Variants in ANO7 observed in about 807,000 individuals in gnomAD.
ANO7 encodes anoctamin-7.
A neutral mutation model predicts 115.8 loss-of-function variants in ANO7; 114 were observed. The observed-to-expected ratio is 0.98, with a 90% CI of 0.85 to 1.15. The LOEUF (loss-of-function observed/expected upper bound fraction) is 1.15. Among genes scored for constraint, ANO7 ranks in the 50% most tolerant of loss-of-function variants. The probability of loss-of-function intolerance (pLI) is 0.00; values close to 1 mark genes in which losing one functional copy is unlikely to be tolerated. For missense variants in ANO7, 1,302 were observed against 1,201.2 expected (o/e 1.08, Z -1.24); for synonymous variants, 550 against 498.2 (o/e 1.10, Z -1.38).
rs752320852 is a variant in ANO7, at chr2:241,188,770, G to T, written c.-8+4G>T. 6.2e-7 allele frequency: 1 copy of T among 1,612,748 alleles called. No homozygotes were observed. The highest frequency in any genetic ancestry group is 1.1e-5 in the South Asian group (1 of 91,010). ...CTTCCGGAAGCCACTGTGCCAGGTG[G>T]GGACCCAGCCTAGACGTGTGGGCCA... On this transcript the variant is annotated splice_donor_region_variant and intron_variant, in intron 1 of 24. Coordinates refer to ENST00000674324, the MANE Select transcript of ANO7 (RefSeq NM_001370694.2). This position sits in a 1 kb window ranked among gnomAD's most constrained non-coding sequence, Gnocchi z 4.3.
downstream of ANO7, among the ~76,000 whole-genome samples, chr2:241,226,450 A>C (rs930893134): frequency 1.3e-5 from 2 of 148,630 alleles, no homozygotes; most frequent in African/African-American, 5.0e-5. Flanking sequence ...TTTGAGATGG[A>C]GTCTCGCTCT....
chr2:241,207,660 C>A lies in ANO7; in HGVS notation c.1067C>A (p.Ala356Asp), dbSNP rs1316292140. ...TTCTGGCTGCTCTCCAGCGCCTGTG[C>A]CCTGGCCCAGGTACGAGAAGAGGTG... is the stretch of plus-strand genomic sequence containing the variant. ...CPFWLLSSAC[A>D]LAQAGRLFDH... Residue 356 changes from alanine (A) to aspartate (D), a missense_variant, in exon 11 of 25, where the codon GCC becomes GAC. Transcript: ENST00000674324. 6.2e-7 allele frequency: 1 copy of A among 1,613,674 alleles called. No individual in the cohort carries two copies. The highest frequency in any genetic ancestry group is 1.1e-5 in the South Asian group (1 of 91,082).
rs746559955 is a variant in ANO7 at position 241,224,582 on chromosome 2, G to A, written c.*429G>A. 1.4e-4 allele frequency: 27 copies of A among 198,466 alleles called. No homozygotes were observed. Among genetic ancestry groups the A allele is most frequent in the African/African-American group, 5.2e-4 (22 of 42,652 alleles). The allele number at this position is 198,466 out of a possible 1,614,324, so 12.3% of individuals were successfully genotyped here. On this transcript the variant is annotated 3_prime_UTR_variant, in exon 25 of 25. Transcript: ENST00000674324. ...TCAGAGCGCAGGGCCGTTCTCCCTC[G>A]TGTCCTCTGGACCCACCCGCCCCTT...
At chr2:241,239,514 C>CA in the ANO7 span, 1 of 1,087,302 alleles carries the variant, frequency 9.2e-7, no homozygotes. This position sits in a 1 kb window ranked among gnomAD's most constrained non-coding sequence, Gnocchi z 4.6. Context: ...GAGTCACCTC[C>CA]CTACAGGGTG....
At chr2:241,215,087 CTGCCCTG>C (rs752807541) in intron 18 of ANO7, among the ~76,000 whole-genome samples, 185 bp downstream of exon 18, 1 of 152,212 alleles carries the variant, frequency 6.6e-6, no homozygotes, top group Non-Finnish European at 1.5e-5. Flanking sequence ...CGCCCTGCAG[CTGCCCTG>C]TGGCTGGCTG....
At chr2:241,216,306 A>G (rs2068827744) in intron 19 of ANO7, 68 bp downstream of exon 19, 1 of 1,472,566 alleles carries the variant, frequency 6.8e-7, no homozygotes, top group South Asian at 1.4e-5. Flanking sequence ...CACTCTGCTC[A>G]AGGGCCTCCC....
intron 10 of ANO7, 145 bp from the exon 11 acceptor site, chr2:241,207,429 T>A (rs2068618868): frequency 3.2e-6 from 2 of 624,434 alleles, no homozygotes; most frequent in East Asian, 2.7e-5. Context: ...AAACAACTAT[T>A]TTTTTTAAGA....
Position 241,209,608 on chromosome 2 carries a change from G to A in ANO7, c.1332G>A (p.Leu444=). The change falls in exon 13 of 25, where the codon CTG becomes CTA. Residue 444 remains leucine, a synonymous_variant. Transcript: ENST00000674324. The part of the protein sequence containing the change: ...FPERSRARRM[L]AGSVVIVVMV... ...AGAGGAGCCGCGCGCGCCGCATGCT[G>A]GCCGGCTCTGTGGTGATCGTGGTGA... The A allele has an allele frequency of 6.3e-7, 1 of 1,589,436 alleles. No individual in the cohort carries two copies. The highest frequency in any genetic ancestry group is 8.6e-7 in the Non-Finnish European group (1 of 1,168,328).
At position 241,223,937 on chromosome 2, in the gene ANO7, G is replaced by A. The variant is rs372721781; in HGVS notation, c.2565G>A (p.Glu855=). 8.7e-6 allele frequency: 14 copies of A among 1,609,716 alleles called. No homozygotes were observed. In the African/African-American group the frequency reaches 2.0e-4, roughly 23 times the overall value. ...VLFGTNGTKD[E]QPEGSELSSH... ...TTGGAACGAACGGAACAAAGGATGA[G>A]CAGCCCGAGGGCTCAGAGGCAAGTC... Residue 855 remains glutamate (E), a synonymous_variant, in exon 24 of 25, where the codon GAG becomes GAA. Transcript: ENST00000674324.
At chr2:241,218,812 A>G (rs1193771675) in intron 21 of ANO7, among the ~76,000 whole-genome samples, 1 of 152,194 alleles carries the variant, frequency 6.6e-6, no homozygotes, top group Admixed American at 6.5e-5. Context: ...GTCATAATAG[A>G]TCAAGTAAGC....
At position 241,218,348 on chromosome 2, in the gene ANO7, C is replaced by G; in HGVS notation, c.2288C>G (p.Ser763Cys). The G allele has an allele frequency of 6.7e-7, 1 of 1,482,484 alleles. No individual in the cohort carries two copies. Among genetic ancestry groups the G allele is most frequent in the African/African-American group, 1.5e-5 (1 of 68,628 alleles). The allele number at this position is 1,482,484 out of a possible 1,614,324, so 91.8% of individuals were successfully genotyped here. A position where few individuals can be genotyped will look rare whatever the true frequency, so the allele number is the denominator to read the frequency against. Residue 763 changes from serine (S) to cysteine (C), a missense_variant, in exon 21 of 25, where the codon TCC becomes TGC. Ser to Cys is a moderately radical substitution (Grantham distance 112, BLOSUM62 -1). Transcript: ENST00000674324. ...FLNFTLARAP[S>C]SFAAAHNRTC... ...AACTTCACGCTGGCGCGAGCCCCGT[C>G]CTCCTTCGCCGCCGCGCACAACCGC...
chr2:241,238,625 G>T, the ANO7 span: 1 of 1,524,688 alleles, frequency 6.6e-7, no homozygotes, highest in South Asian at 1.3e-5. This position sits in a 1 kb window ranked among gnomAD's most constrained non-coding sequence, Gnocchi z 4.9. Context: ...TTAACAAGCA[G>T]AGCAGGGCTA....
intron 5 of ANO7, 47 bp downstream of exon 5, chr2:241,199,470 C>T: frequency 6.3e-7 from 1 of 1,583,890 alleles, no homozygotes; most frequent in Non-Finnish European, 8.7e-7. Flanking sequence ...GTCCCGGTCC[C>T]CACACACTGC....
intron 11 of ANO7, among the ~76,000 whole-genome samples, chr2:241,208,980 T>C (rs1240942265): frequency 2.6e-5 from 4 of 152,102 alleles, no homozygotes; most frequent in Non-Finnish European, 5.9e-5. Context: ...AAACCTCGTC[T>C]CTACTAAAAA....
chr2:241,201,689 C>T (rs2068476283), intron 7 of ANO7, among the ~76,000 whole-genome samples: 1 of 152,198 alleles, frequency 6.6e-6, no homozygotes, highest in Admixed American at 6.5e-5. Context: ...CCTGCAGCGT[C>T]GGAGGAAGGG....
rs1328287804 is a variant in ANO7 at position 241,224,308 on chromosome 2, C to T, written c.*155C>T. 1.5e-5 allele frequency: 12 copies of T among 813,872 alleles called. No individual in the cohort carries two copies. Among genetic ancestry groups the T allele is most frequent in the African/African-American group, 3.4e-5 (2 of 58,148 alleles). The allele number at this position is 813,872 out of a possible 1,614,324, so 50.4% of individuals were successfully genotyped here. ...CACATTGCCTGCTTCCCCCCAGCGC[C>T]GGCTTCTCTCCTCAGAGCGCCTGTC... On this transcript the variant is annotated 3_prime_UTR_variant, in exon 25 of 25. Transcript: ENST00000674324.
chr2:241,218,487 G>A (rs2068925393), intron 21 of ANO7, 106 bp downstream of exon 21: 3 of 1,007,484 alleles, frequency 3.0e-6, no homozygotes, highest in Non-Finnish European at 3.7e-6. Flanking sequence ...AGGGGCGGGC[G>A]CCGCCGGGCA....
At chr2:241,212,763 C>G in intron 17 of ANO7, 137 bp downstream of exon 17, 1 of 942,590 alleles carries the variant, frequency 1.1e-6, no homozygotes, top group Non-Finnish European at 1.6e-6. Context: ...GCCAGCTGTG[C>G]AGCTGACCAC....
rs770664964 is a variant in ANO7 at position 241,209,340 on chromosome 2, T to C, written c.1133T>C (p.Leu378Pro). The change falls in exon 12 of 25, where the codon CTG becomes CCG. Residue 378 changes from leucine (L) to proline (P), a missense_variant. Transcript: ENST00000674324. ...GTGTTCTTCAGCTTGTTCATGGCAC[T>C]GTGGGCCGTGCTGCTGCTGGAGTAC... Reference protein sequence around the residue: ...GTVFFSLFMALWAVLLLEYWK... With the variant: ...GTVFFSLFMAPWAVLLLEYWK... 1.9e-6 allele frequency: 3 copies of C among 1,576,770 alleles called. No individual in the cohort carries two copies. The highest frequency in any genetic ancestry group is 1.3e-5 in the African/African-American group (1 of 74,148).
Sources: allele counts gnomAD v4.1 joint callset (sites outside exome capture counted in the v4.1 genomes callset), GRCh38; gene constraint gnomAD v4.1.1; non-coding constraint Gnocchi (gnomAD v3.1); transcripts MANE v1.5; gene names NCBI Gene and HGNC (gene_info 2026-07-23, HGNC 2026-07-21).